DLC1: variants seen among roughly 807,000 people sequenced by gnomAD.
DLC1 encodes the protein rho GTPase-activating protein 7.
Under a neutral mutation model 140.3 loss-of-function variants are expected in DLC1, and 54 were observed. The observed-to-expected ratio is 0.38, with a 90% confidence interval of 0.31 to 0.48. The LOEUF (loss-of-function observed/expected upper bound fraction) is 0.48. DLC1 is among the 20% of genes least tolerant of loss of function. DLC1 has a pLI of 0.96. For synonymous variants in DLC1, 986 were observed against 728.1 expected (o/e 1.35, Z -5.70); for missense variants, 2,536 against 1,907.0 (o/e 1.33, Z -6.14).
At chr8:13,260,933 A>G (rs1157566402) in intron 5 of DLC1, among the ~76,000 whole-genome samples, 2 of 152,234 alleles carry the variant, frequency 1.3e-5, no homozygotes, top group Non-Finnish European at 2.9e-5. Flanking sequence ...ATAATTTACC[A>G]TATAATGTTA....
intron 5 of DLC1, among the ~76,000 whole-genome samples, chr8:13,145,264 A>G (rs1455601099): frequency 6.6e-6 from 1 of 152,136 alleles, no homozygotes; most frequent in Non-Finnish European, 1.5e-5. Context: ...GTTCAGAAAA[A>G]GCACAAAAGA....
chr8:13,281,123 T>C (rs1831351932), intron 5 of DLC1, among the ~76,000 whole-genome samples: 1 of 152,260 alleles, frequency 6.6e-6, no homozygotes, highest in South Asian at 2.1e-4. Flanking sequence ...GCATCTAGCG[T>C]GTATGTTATA....
At chr8:13,525,639 G>T (rs1802898362) in intron 1 of DLC1, among the ~76,000 whole-genome samples, 3 of 151,950 alleles carry the variant, frequency 2.0e-5, no homozygotes, top group Admixed American at 6.6e-5. Context: ...TTTGATCAAG[G>T]GTCTCTTCAT....
chr8:13,276,479 G>GT (rs1563218263), intron 5 of DLC1: 1 of 1,332,982 alleles, frequency 7.5e-7, no homozygotes, highest in Non-Finnish European at 9.5e-7. Context: ...GCTCCCGGCC[G>GT]CAGGCTGTCG....
At chr8:13,216,760 G>T (rs768792048) in intron 5 of DLC1, among the ~76,000 whole-genome samples, 18 of 151,952 alleles carry the variant, frequency 1.2e-4, no homozygotes, top group Non-Finnish European at 2.1e-4. Flanking sequence ...ACATTTAGTG[G>T]CATCCCTGGG....
rs145664837 is a variant in DLC1, at chr8:13,568,060, A to C, written c.-126+36477T>G. 902 of 1,227,146 alleles carry C rather than the reference A, an allele frequency of 7.4e-4. 5 individuals are homozygous for C. In the African/African-American group the frequency reaches 0.012, roughly 17 times the overall value. 76.0% of individuals were successfully genotyped at this position (1,227,146 alleles called of 1,614,324 possible). A position where few individuals can be genotyped will look rare whatever the true frequency, so the allele number is the denominator to read the frequency against. ...TGCTTCCTTCACAGATTTGAGGACT[A>C]AGAACTTTCACTTTTTTTTTCCTAT... On this transcript the variant is annotated intron_variant, in intron 1 of 1. Transcript: ENST00000631382.
intron 2 of DLC1, among the ~76,000 whole-genome samples, chr8:13,463,207 C>A (rs532815952): frequency 6.6e-6 from 1 of 152,008 alleles, no homozygotes; most frequent in East Asian, 1.9e-4. Flanking sequence ...CTAGGTGTGA[C>A]TGAATATCTG....
rs181261398 is a variant in DLC1 at position 13,200,627 on chromosome 8, C to G, written c.1349-84970G>C. Among the ~76,000 whole-genome samples the G allele has an allele frequency of 9.2e-4, 140 of 152,092 alleles. 1 individual carries two copies. Among genetic ancestry groups the G allele is most frequent in the East Asian group, 6.8e-3 (35 of 5,166 alleles). On this transcript the variant is annotated intron_variant, in intron 5 of 17. Transcript: ENST00000276297. The stretch of plus-strand genomic sequence containing the variant: ...GTGTGTGTGTTTTTTTTTAGAGAGG[C>G]AGAGTCTCACTCTGTTGCCCAGGCT...
At chr8:13,218,449 A>C (rs1456293368) in intron 5 of DLC1, among the ~76,000 whole-genome samples, 1 of 152,084 alleles carries the variant, frequency 6.6e-6, no homozygotes, top group Non-Finnish European at 1.5e-5. Context: ...AGACAACCCA[A>C]ATAATAAGAG....
At chr8:13,107,541 A>G (rs1819669465) in intron 7 of DLC1, among the ~76,000 whole-genome samples, 1 of 152,234 alleles carries the variant, frequency 6.6e-6, no homozygotes, top group Non-Finnish European at 1.5e-5. Context: ...ACAAAAGTCT[A>G]TAAAAAGTCT....
intron 5 of DLC1, among the ~76,000 whole-genome samples, chr8:13,151,826 T>C (rs1041061894): frequency 2.6e-5 from 4 of 152,214 alleles, no homozygotes; most frequent in African/African-American, 9.6e-5. Context: ...ATTACACCTT[T>C]AAAATTTTAT....
In DLC1 at chr8:13,567,357, G is replaced by C. The variant is rs75484711; in HGVS notation, c.-126+37180C>G. On this transcript the variant is annotated intron_variant, in intron 1 of 1. Coordinates refer to the DLC1 transcript ENST00000631382. ...TATCAGATGAAGAATTGAATGCCCT[G>C]CAGTCTTATTGCACCATGAAGATAA... is the stretch of plus-strand genomic sequence containing the variant. 4.2e-3 allele frequency: 6,472 copies of C among 1,551,668 alleles called. 271 individuals are homozygous for C. The East Asian group carries it at 0.098, about 24-fold the overall frequency.
chr8:13,184,584 T>G (rs185575922), intron 5 of DLC1, among the ~76,000 whole-genome samples: 1 of 152,334 alleles, frequency 6.6e-6, no homozygotes, highest in African/African-American at 2.4e-5. Context: ...AGCAAGTTGT[T>G]CAGTTTCCAT....
upstream of DLC1, among the ~76,000 whole-genome samples, chr8:13,518,211 C>T (rs2117277632): frequency 6.6e-6 from 1 of 152,210 alleles, no homozygotes; most frequent in East Asian, 1.9e-4. Context: ...TAGGTTCAAG[C>T]AAATCTCCTG....
intron 1 of DLC1, among the ~76,000 whole-genome samples, chr8:13,521,924 A>G (rs73210024): frequency 0.033 from 5,047 of 152,272 alleles, 111 homozygotes; most frequent in Non-Finnish European, 0.053. Flanking sequence ...TGTATTGTCA[A>G]TGCAGTACCC....
chr8:13,580,653 A>C, intron 1 of DLC1, among the ~76,000 whole-genome samples: 1 of 152,224 alleles, frequency 6.6e-6, no homozygotes, highest in Non-Finnish European at 1.5e-5. Flanking sequence ...TGCATATGGA[A>C]GACCAGAAAG....
chr8:13,487,613 G>T (rs1429518507), intron 2 of DLC1, among the ~76,000 whole-genome samples: 14 of 148,598 alleles, frequency 9.4e-5, no homozygotes, highest in African/African-American at 3.2e-4. Flanking sequence ...TCACTCTGTT[G>T]CCCAGGCTGG....
chr8:13,582,527 G>C (rs1399013090), intron 1 of DLC1, among the ~76,000 whole-genome samples: 1 of 151,980 alleles, frequency 6.6e-6, no homozygotes, highest in Non-Finnish European at 1.5e-5. Flanking sequence ...TGGGCTCCCA[G>C]CCTATATATT....
At chr8:13,564,071 T>A (rs755581617) in intron 1 of DLC1, among the ~76,000 whole-genome samples, 7 of 152,182 alleles carry the variant, frequency 4.6e-5, no homozygotes, top group Non-Finnish European at 1.0e-4. Flanking sequence ...TATCATTTTC[T>A]TTTTTAAAAA....
Sources: gnomAD v4.1 joint callset for allele counts (sites outside exome capture counted in the v4.1 genomes callset) on GRCh38, gnomAD v4.1.1 for gene constraint, MANE v1.5 for transcripts, NCBI Gene and HGNC (gene_info 2026-07-23, HGNC 2026-07-21) for gene names.